The following KCNIP4 variants were observed in gnomAD, a reference collection of about 807,000 sequenced individuals.
KCNIP4 encodes the protein Kv channel-interacting protein 4.
Under a neutral mutation model 34.0 loss-of-function variants are expected in KCNIP4, and 12 were observed. That is an observed-to-expected ratio of 0.35 (90% CI 0.23 to 0.57). The LOEUF (loss-of-function observed/expected upper bound fraction) is 0.57, where lower values mean the gene tolerates loss of function less well. KCNIP4 is among the 20% of genes least tolerant of loss of function. The pLI is 0.83. For synonymous variants in KCNIP4, 124 were observed against 102.2 expected, an observed-to-expected ratio of 1.21 and a Z score of -1.29; for missense variants, 238 against 311.7, an observed-to-expected ratio of 0.76 and a Z score of 1.78.
intron 1 of KCNIP4, among the ~76,000 whole-genome samples, chr4:20,905,188 G>T (rs1200802894): frequency 6.6e-6 from 1 of 152,206 alleles, no homozygotes; most frequent in Non-Finnish European, 1.5e-5. Context: ...AGATGTAGGT[G>T]TCAGCAGGTT....
At chr4:21,279,258 G>T (rs1762628726) in intron 1 of KCNIP4, among the ~76,000 whole-genome samples, 1 of 152,156 alleles carries the variant, frequency 6.6e-6, no homozygotes, top group Non-Finnish European at 1.5e-5. Context: ...TTCAGAGTTA[G>T]GGTAGGGTGG....
intron 1 of KCNIP4, among the ~76,000 whole-genome samples, chr4:21,589,235 G>GATACATAT (rs59940944): frequency 9.1e-6 from 1 of 109,966 alleles, no homozygotes; most frequent in Non-Finnish European, 1.9e-5. Context: ...TATCTATACA[G>GATACATAT]ATACATATAT....
At chr4:21,723,720 T>C (rs1172862300) in intron 1 of KCNIP4, among the ~76,000 whole-genome samples, 1 of 152,090 alleles carries the variant, frequency 6.6e-6, no homozygotes, top group Non-Finnish European at 1.5e-5. Flanking sequence ...TGTGCAAGGC[T>C]CTTCCTAGCC....
intron 1 of KCNIP4, among the ~76,000 whole-genome samples, chr4:21,817,232 A>C (rs1722041307): frequency 6.6e-6 from 1 of 152,262 alleles, no homozygotes; most frequent in Admixed American, 6.5e-5. Context: ...GAGGAACATA[A>C]GTTTTGAAGA....
chr4:20,864,398 A>G (rs1362848568), intron 2 of KCNIP4, among the ~76,000 whole-genome samples: 1 of 151,032 alleles, frequency 6.6e-6, no homozygotes, highest in Non-Finnish European at 1.5e-5. Context: ...CATGTTATAT[A>G]TATATAACAT....
intron 1 of KCNIP4, among the ~76,000 whole-genome samples, chr4:21,483,807 TAAAA>T (rs1731668775): frequency 6.7e-6 from 1 of 149,788 alleles, no homozygotes; most frequent in African/African-American, 2.5e-5. Flanking sequence ...AAAATAAAAA[TAAAA>T]ATAAAAATAA....
At chr4:21,499,164 C>T (rs781173815) in intron 1 of KCNIP4, among the ~76,000 whole-genome samples, 3 of 151,948 alleles carry the variant, frequency 2.0e-5, no homozygotes, top group Non-Finnish European at 4.4e-5. Flanking sequence ...AACCCCATCT[C>T]TACTAAAAAT....
chr4:21,103,988 T>A (rs1748230189), intron 1 of KCNIP4, among the ~76,000 whole-genome samples: 1 of 152,100 alleles, frequency 6.6e-6, no homozygotes, highest in African/African-American at 2.4e-5. Flanking sequence ...CTATCATTGT[T>A]GGACATTTGG....
rs61183224 is a variant in KCNIP4, at chr4:21,252,129, G to GT, written c.62-369421dup. Among the ~76,000 whole-genome samples the GT allele has an allele frequency of 3.4e-3, 387 of 112,868 alleles. 2 individuals are homozygous for GT. The highest frequency in any genetic ancestry group is 0.015 in the East Asian group (66 of 4,264). 74.0% of individuals were successfully genotyped at this position (112,868 alleles called of 152,430 possible). A position where few individuals can be genotyped will look rare whatever the true frequency, so the allele number is the denominator to read the frequency against. On this transcript the variant is annotated intron_variant, in intron 1 of 8. Coordinates refer to ENST00000382152, the MANE Select transcript of KCNIP4 (RefSeq NM_025221.6). Reference sequence around the variant, plus strand: ...ATTTAAGTAACATGAATGAGGTTTTGTTTTTTTTTTTTTTTTTGAGACAGA... The same window carrying GT: ...ATTTAAGTAACATGAATGAGGTTTTGTTTTTTTTTTTTTTTTTTGAGACAGA...
At chr4:21,062,304 T>C (rs114819857) in intron 1 of KCNIP4, among the ~76,000 whole-genome samples, 1,766 of 152,260 alleles carry the variant, frequency 0.012, 40 homozygotes, top group African/African-American at 0.04. Flanking sequence ...AAATAAAATA[T>C]ATTCCATCAG....
At chr4:21,543,584 G>T in intron 1 of KCNIP4, among the ~76,000 whole-genome samples, 1 of 152,190 alleles carries the variant, frequency 6.6e-6, no homozygotes, top group South Asian at 2.1e-4. Context: ...TAGCTAATAT[G>T]TCAGCTGTGA....
At chr4:21,498,452 G>T (rs112105281) in intron 1 of KCNIP4, among the ~76,000 whole-genome samples, 12 of 152,150 alleles carry the variant, frequency 7.9e-5, no homozygotes, top group African/African-American at 2.6e-4. Flanking sequence ...CTTTTAAAAA[G>T]TCATTTATCT....
chr4:21,561,386 T>C (rs1739476327), intron 1 of KCNIP4, among the ~76,000 whole-genome samples: 1 of 152,046 alleles, frequency 6.6e-6, no homozygotes, highest in Admixed American at 6.6e-5. Context: ...GAGAACCGAT[T>C]AAAGACTAAA....
chr4:20,953,607 G>A (rs1329572948), intron 1 of KCNIP4, among the ~76,000 whole-genome samples: 4 of 152,088 alleles, frequency 2.6e-5, no homozygotes, highest in Admixed American at 6.5e-5. Context: ...GGTTGAGCCC[G>A]GGAGGCAGAA....
At chr4:20,769,434 T>C (rs576531614) in intron 3 of KCNIP4, among the ~76,000 whole-genome samples, 1 of 152,212 alleles carries the variant, frequency 6.6e-6, no homozygotes, top group African/African-American at 2.4e-5. Flanking sequence ...TTCCCAACTT[T>C]ATCCAGAAGA....
chr4:21,523,549 C>T (rs75919372), intron 1 of KCNIP4, among the ~76,000 whole-genome samples: 1,849 of 151,782 alleles, frequency 0.012, 43 homozygotes, highest in African/African-American at 0.042. Flanking sequence ...TCCTTCCTTC[C>T]GTCCTTCCTT....
At chr4:21,319,831 C>T (rs1714183321) in intron 1 of KCNIP4, among the ~76,000 whole-genome samples, 1 of 151,994 alleles carries the variant, frequency 6.6e-6, no homozygotes, top group Admixed American at 6.6e-5. Flanking sequence ...TCGTGTCCCA[C>T]TAATGGATAG....
At chr4:20,740,200 T>G (rs2322687) in intron 5 of KCNIP4, among the ~76,000 whole-genome samples, 76,428 of 151,840 alleles carry the variant, frequency 0.5, 19,760 homozygotes, top group African/African-American at 0.59. Flanking sequence ...ACCTAGCAAG[T>G]CAGGCCAACA....
At chr4:21,208,337 T>C (rs1303795893) in intron 1 of KCNIP4, among the ~76,000 whole-genome samples, 2 of 152,242 alleles carry the variant, frequency 1.3e-5, no homozygotes, top group Non-Finnish European at 2.9e-5. Flanking sequence ...ACAATGTCAC[T>C]AGACTACTCT....
Sources: gnomAD v4.1 joint callset for allele counts (sites outside exome capture counted in the v4.1 genomes callset) on GRCh38, gnomAD v4.1.1 for gene constraint, MANE v1.5 for transcripts, NCBI Gene and HGNC (gene_info 2026-07-23, HGNC 2026-07-21) for gene names.